Variants in CTBP2 observed in about 807,000 individuals in gnomAD.
CTBP2 encodes the protein C-terminal-binding protein 2.
Under a neutral mutation model 80.3 loss-of-function variants are expected in CTBP2, and 30 were observed. The ratio of observed to expected loss-of-function variants is 0.37; its 90% confidence interval spans 0.28 to 0.51. The LOEUF is 0.51. Ranked by LOEUF, CTBP2 falls within the 20% of genes least tolerant of loss-of-function variation. The pLI, the probability that CTBP2 is intolerant of heterozygous loss-of-function variation, is 0.93. For missense variants in CTBP2, 1,212 were observed against 1,375.3 expected (o/e 0.88, Z 1.88); for synonymous variants, 594 against 587.4 (o/e 1.01, Z -0.16).
At chr10:125,030,262 G>A (rs1376137062), upstream of CTBP2, among the ~76,000 whole-genome samples, 1 of 151,998 alleles carries the variant, frequency 6.6e-6, no homozygotes, top group Non-Finnish European at 1.5e-5. Context: ...TACATCTCAC[G>A]GGCTTAATTT....
In CTBP2 at chr10:125,027,187, C is replaced by T. The variant is rs372310563; in HGVS notation, c.573G>A (p.Arg191=). Residue 191 remains arginine (R), a synonymous_variant, in exon 1 of 9, where the codon CGG becomes CGA. Coordinates refer to ENST00000309035, the MANE Select transcript of CTBP2 (RefSeq NM_022802.3). ...CCCCATACCTGGTGTCGGGCTGCTCCCGTCCATACCGCCCGGGAGATGCAG... is the reference window on the plus strand; with the variant it reads ...CCCCATACCTGGTGTCGGGCTGCTCTCGTCCATACCGCCCGGGAGATGCAG... 2 of 1,607,606 alleles carry T rather than the reference C, an allele frequency of 1.2e-6. No individual in the cohort carries two copies. The highest frequency in any genetic ancestry group is 1.3e-5 in the African/African-American group (1 of 74,832).
At chr10:125,032,419 T>C (rs1470241201), upstream of CTBP2, among the ~76,000 whole-genome samples, 1 of 152,206 alleles carries the variant, frequency 6.6e-6, no homozygotes, top group Non-Finnish European at 1.5e-5. Flanking sequence ...GATGCCGTCC[T>C]TCCTCTGGTT....
At chr10:125,074,051 C>T (rs1845921421) in intron 2 of CTBP2, among the ~76,000 whole-genome samples, 1 of 152,158 alleles carries the variant, frequency 6.6e-6, no homozygotes, top group Admixed American at 6.5e-5. Flanking sequence ...TTAGGCTTAA[C>T]AATTATTTGT....
chr10:125,143,971 C>T (rs562492753), intron 1 of CTBP2, among the ~76,000 whole-genome samples: 1 of 152,298 alleles, frequency 6.6e-6, no homozygotes, highest in South Asian at 2.1e-4. Context: ...TAATTTCTCT[C>T]ACCATAAATG....
chr10:125,020,664 G>A (rs886314027), intron 1 of CTBP2, among the ~76,000 whole-genome samples: 4 of 152,124 alleles, frequency 2.6e-5, no homozygotes, highest in Admixed American at 6.5e-5. Context: ...CACCACGCCC[G>A]GCAGAAATCA....
intron 1 of CTBP2, among the ~76,000 whole-genome samples, chr10:125,133,080 C>A (rs997989036): frequency 1.3e-5 from 2 of 152,186 alleles, no homozygotes; most frequent in Non-Finnish European, 2.9e-5. Flanking sequence ...GCTAAATCTC[C>A]TTGATTGTGG....
chr10:125,056,192 A>G (rs1006047674), intron 2 of CTBP2, among the ~76,000 whole-genome samples: 69 of 148,700 alleles, frequency 4.6e-4, no homozygotes, highest in African/African-American at 1.6e-3. Flanking sequence ...TAATAATAAT[A>G]ATAGTAATAA....
intron 1 of CTBP2, among the ~76,000 whole-genome samples, chr10:125,112,573 C>A (rs146870645): frequency 2.0e-5 from 3 of 152,052 alleles, no homozygotes; most frequent in Admixed American, 6.6e-5. Flanking sequence ...GGATTACAGG[C>A]GCATGCCACC....
chr10:125,030,867 G>T (rs1958105610), upstream of CTBP2, among the ~76,000 whole-genome samples: 1 of 152,280 alleles, frequency 6.6e-6, no homozygotes, highest in African/African-American at 2.4e-5. Context: ...TCCTGCACCT[G>T]CCTGGGCTTC....
intron 2 of CTBP2, among the ~76,000 whole-genome samples, chr10:125,064,147 G>C (rs1844272142): frequency 6.6e-6 from 1 of 152,248 alleles, no homozygotes; most frequent in South Asian, 2.1e-4. Flanking sequence ...AAGACAGTTA[G>C]ATGGTGAATA....
In CTBP2 at chr10:125,028,005, T is replaced by G; in HGVS notation, c.-246A>C. 8.9e-7 allele frequency: 1 copy of G among 1,126,580 alleles called. No homozygotes were observed. The highest frequency in any genetic ancestry group is 2.0e-5 in the South Asian group (1 of 49,540). The allele number at this position is 1,126,580 out of a possible 1,614,324, so 69.8% of individuals were successfully genotyped here. A position where few individuals can be genotyped will look rare whatever the true frequency, so the allele number is the denominator to read the frequency against. On this transcript the variant is annotated 5_prime_UTR_variant, in exon 1 of 9. Coordinates refer to ENST00000309035, the MANE Select transcript of CTBP2 (RefSeq NM_022802.3). ...ACGATAGCCAGAGAGGTCTGTTCCT[T>G]ACAGCTCAGTCCCGGAGAGGAGGCT...
At position 125,039,165 on chromosome 10, in the gene CTBP2, G is replaced by A; in HGVS notation, c.-101-10C>T. 9.9e-6 allele frequency: 9 copies of A among 907,322 alleles called. No individual in the cohort carries two copies. Among genetic ancestry groups the A allele is most frequent in the South Asian group, 9.5e-5 (6 of 63,392 alleles). 56.2% of individuals were successfully genotyped at this position (907,322 alleles called of 1,614,324 possible). ...GACGCCACTATGAACCCTGAAACAA[G>A]GAGAAAAGAATCCTTACTCTCTGGA... On this transcript the variant is annotated splice_polypyrimidine_tract_variant and intron_variant, in intron 2 of 10. Transcript: ENST00000337195.
chr10:125,014,346 G>C (rs1956256912), intron 1 of CTBP2, among the ~76,000 whole-genome samples: 1 of 152,354 alleles, frequency 6.6e-6, no homozygotes, highest in East Asian at 1.9e-4. Flanking sequence ...CAGCTACTTA[G>C]GAGGCTGAGG....
intron 2 of CTBP2, among the ~76,000 whole-genome samples, chr10:125,101,473 G>C (rs1850608445): frequency 6.6e-6 from 1 of 152,234 alleles, no homozygotes; most frequent in Non-Finnish European, 1.5e-5. Context: ...GGCTGCGGCT[G>C]GGATCAGCAC....
intron 2 of CTBP2, among the ~76,000 whole-genome samples, chr10:125,047,506 G>T (rs1195459930): frequency 6.6e-6 from 1 of 152,262 alleles, no homozygotes; most frequent in Admixed American, 6.5e-5. Context: ...CAATACATCT[G>T]CTGTGTCCAG....
chr10:124,990,981 C>T (rs1952531116), intron 8 of CTBP2, among the ~76,000 whole-genome samples: 1 of 152,252 alleles, frequency 6.6e-6, no homozygotes, highest in Non-Finnish European at 1.5e-5. Context: ...GCAGCCAGAA[C>T]TCACTAAGCT....
chr10:125,090,998 T>C (rs1467043592), intron 2 of CTBP2, among the ~76,000 whole-genome samples: 1 of 152,182 alleles, frequency 6.6e-6, no homozygotes, highest in Admixed American at 6.5e-5. Context: ...GCCACACAGC[T>C]ACCAAAGGCA....
chr10:125,007,432 A>C, intron 1 of CTBP2, among the ~76,000 whole-genome samples: 1 of 152,346 alleles, frequency 6.6e-6, no homozygotes, highest in Non-Finnish European at 1.5e-5. Flanking sequence ...AACAAAGACA[A>C]CACCAGGCCA....
In CTBP2 at chr10:124,984,837, G is replaced by T; in HGVS notation, c.*4681C>A. The stretch of plus-strand genomic sequence containing the variant: ...GTGGCTGGACTGCTGTGTGACGGAG[G>T]GGGGAGTTCTGGTTGCCATGCAGAA... On this transcript the variant is annotated 3_prime_UTR_variant, in exon 9 of 9. Coordinates refer to ENST00000309035, the MANE Select transcript of CTBP2 (RefSeq NM_022802.3). The T allele has an allele frequency of 6.2e-7, 1 of 1,613,996 alleles. No homozygotes were observed. Among genetic ancestry groups the T allele is most frequent in the Non-Finnish European group, 8.5e-7 (1 of 1,180,004 alleles).
Sources: allele counts gnomAD v4.1 joint callset (sites outside exome capture counted in the v4.1 genomes callset), GRCh38; gene constraint gnomAD v4.1.1; transcripts MANE v1.5; gene names NCBI Gene and HGNC (gene_info 2026-07-23, HGNC 2026-07-21).